CDH12: variants seen among roughly 807,000 people sequenced by gnomAD.
CDH12 encodes cadherin 12, also known as cadherin-12.
Under a neutral mutation model 74.1 loss-of-function variants are expected in CDH12, and 41 were observed. That is an observed-to-expected ratio of 0.55 (90% CI 0.43 to 0.72). CDH12 has a LOEUF of 0.72. CDH12 is among the 30% of genes least tolerant of loss of function. The probability of loss-of-function intolerance (pLI) is 0.00; values close to 1 mark genes in which losing one functional copy is unlikely to be tolerated. For synonymous variants in CDH12, 399 were observed against 355.0 expected (o/e 1.12, Z -1.39); for missense variants, 945 against 977.2 (o/e 0.97, Z 0.44).
chr5:22,699,010 G>C (rs997391892), intron 1 of CDH12, among the ~76,000 whole-genome samples: 1 of 151,694 alleles, frequency 6.6e-6, no homozygotes, highest in African/African-American at 2.4e-5. Context: ...AGAATTTACT[G>C]ATCTGAAAAG....
At chr5:22,224,340 C>T (rs1261346683) in intron 3 of CDH12, among the ~76,000 whole-genome samples, 1 of 151,956 alleles carries the variant, frequency 6.6e-6, no homozygotes, top group African/African-American at 2.4e-5. Flanking sequence ...CAAATTGAGG[C>T]TAACATAAAT....
At chr5:22,289,911 G>T (rs1249253336) in intron 3 of CDH12, among the ~76,000 whole-genome samples, 1 of 152,108 alleles carries the variant, frequency 6.6e-6, no homozygotes, top group Non-Finnish European at 1.5e-5. Context: ...CTTCAGGTAT[G>T]CATGGAGGAT....
At chr5:22,698,462 T>C (rs1382890405) in intron 1 of CDH12, among the ~76,000 whole-genome samples, 1 of 151,372 alleles carries the variant, frequency 6.6e-6, no homozygotes, top group Non-Finnish European at 1.5e-5. Flanking sequence ...TCTACTGATT[T>C]ATAGAATCCC....
At chr5:22,627,389 G>A (rs1353920789) in intron 1 of CDH12, among the ~76,000 whole-genome samples, 2 of 149,998 alleles carry the variant, frequency 1.3e-5, no homozygotes, top group Non-Finnish European at 3.0e-5. Flanking sequence ...AACATCAGAT[G>A]TTTCAGCAGA....
intron 4 of CDH12, among the ~76,000 whole-genome samples, chr5:22,150,092 T>C (rs1397834829): frequency 6.6e-6 from 1 of 152,178 alleles, no homozygotes; most frequent in Non-Finnish European, 1.5e-5. Context: ...GTTTCAATGA[T>C]CGTTGATTTA....
intron 2 of CDH12, among the ~76,000 whole-genome samples, chr5:22,495,634 G>A (rs1428486337): frequency 6.6e-6 from 1 of 152,054 alleles, no homozygotes; most frequent in Non-Finnish European, 1.5e-5. Flanking sequence ...ATATATGCCA[G>A]AAATAGATAT....
intron 10 of CDH12, among the ~76,000 whole-genome samples, chr5:21,800,772 T>C (rs1006796070): frequency 4.6e-5 from 7 of 152,144 alleles, no homozygotes; most frequent in African/African-American, 1.7e-4. Context: ...GTGGGGGTGG[T>C]TCCCCCATGC....
At chr5:21,754,219 C>G (rs905082260) in intron 14 of CDH12, among the ~76,000 whole-genome samples, 7 of 152,012 alleles carry the variant, frequency 4.6e-5, no homozygotes, top group Non-Finnish European at 1.5e-5. Context: ...AGGGTGAAAA[C>G]CCTCTCTCCA....
chr5:21,820,334 C>T (rs1048917310), intron 8 of CDH12, among the ~76,000 whole-genome samples: 6 of 151,832 alleles, frequency 4.0e-5, no homozygotes, highest in Non-Finnish European at 8.8e-5. Context: ...CCAACAAATT[C>T]CATTTTTATC....
chr5:22,193,233 C>A (rs1750410459), intron 4 of CDH12, among the ~76,000 whole-genome samples: 1 of 152,128 alleles, frequency 6.6e-6, no homozygotes, highest in African/African-American at 2.4e-5. Flanking sequence ...TTAATGTGAA[C>A]TAAAGATATC....
chr5:21,907,900 G>A (rs1753709949), intron 6 of CDH12, among the ~76,000 whole-genome samples: 1 of 152,090 alleles, frequency 6.6e-6, no homozygotes, highest in Admixed American at 6.6e-5. Flanking sequence ...ATAATAATTG[G>A]GATGTTCTGA....
At chr5:22,567,900 G>T (rs918255453) in intron 1 of CDH12, among the ~76,000 whole-genome samples, 5 of 152,088 alleles carry the variant, frequency 3.3e-5, no homozygotes, top group Admixed American at 6.6e-5. Context: ...ACTTATTTTT[G>T]CCCTGGTCAA....
At chr5:21,850,579 A>C (rs1750411055) in intron 7 of CDH12, among the ~76,000 whole-genome samples, 1 of 151,650 alleles carries the variant, frequency 6.6e-6, no homozygotes, top group Admixed American at 6.6e-5. Context: ...AACATATTTT[A>C]GAAGACATAC....
At chr5:22,576,296 A>G (rs949220136) in intron 1 of CDH12, among the ~76,000 whole-genome samples, 3 of 152,012 alleles carry the variant, frequency 2.0e-5, no homozygotes, top group Admixed American at 2.0e-4. Flanking sequence ...CTCACAATCC[A>G]CAGAGCCACT....
intron 6 of CDH12, among the ~76,000 whole-genome samples, chr5:21,866,917 T>C (rs1751357303): frequency 6.6e-6 from 1 of 152,108 alleles, no homozygotes; most frequent in Non-Finnish European, 1.5e-5. Context: ...CCCTTTACTG[T>C]GTGCAGTTTA....
intron 6 of CDH12, among the ~76,000 whole-genome samples, chr5:21,871,124 AAATTTCTG>A (rs1379349701): frequency 1.3e-5 from 2 of 152,196 alleles, no homozygotes; most frequent in Non-Finnish European, 2.9e-5. Context: ...ATTTTTAAAA[AAATTTCTG>A]AAGATGAGTC....
chr5:22,670,841 A>G (rs1002938106), intron 1 of CDH12, among the ~76,000 whole-genome samples: 15 of 151,996 alleles, frequency 9.9e-5, no homozygotes, highest in Non-Finnish European at 2.1e-4. Flanking sequence ...AAAATTGCCA[A>G]TCTTACTAAT....
chr5:22,273,448 C>T (rs553494065), intron 3 of CDH12, among the ~76,000 whole-genome samples: 61 of 152,254 alleles, frequency 4.0e-4, no homozygotes, highest in African/African-American at 1.4e-3. Flanking sequence ...CCTGTAATAA[C>T]AGTTACACAC....
intron 3 of CDH12, among the ~76,000 whole-genome samples, chr5:22,257,744 C>T (rs1378072245): frequency 6.6e-6 from 1 of 152,026 alleles, no homozygotes; most frequent in Non-Finnish European, 1.5e-5. Context: ...GATTTGCCTG[C>T]CTCAGCCTCC....
Sources: gnomAD v4.1 joint callset for allele counts (sites outside exome capture counted in the v4.1 genomes callset) on GRCh38, gnomAD v4.1.1 for gene constraint, MANE v1.5 for transcripts, NCBI Gene and HGNC (gene_info 2026-07-23, HGNC 2026-07-21) for gene names.